Variants in LHFPL3 observed in about 807,000 individuals in gnomAD.
LHFPL3 encodes LHFPL tetraspan subfamily member 3.
In LHFPL3, 5 loss-of-function variants were observed where a neutral mutation model predicts 19.3. That is an observed-to-expected ratio of 0.26 (90% confidence interval 0.14 to 0.54). LHFPL3 has a LOEUF of 0.54. LHFPL3 is among the 20% of genes least tolerant of loss of function. The pLI, the probability that LHFPL3 is intolerant of heterozygous loss-of-function variation, is 0.94. For missense variants in LHFPL3, 249 were observed against 307.4 expected, an observed-to-expected ratio of 0.81 and a Z score of 1.42; for synonymous variants, 133 against 126.2, an observed-to-expected ratio of 1.05 and a Z score of -0.36.
At chr7:104,528,850 A>G (rs1423348848) in intron 1 of LHFPL3, among the ~76,000 whole-genome samples, 2 of 152,206 alleles carry the variant, frequency 1.3e-5, no homozygotes, top group African/African-American at 4.8e-5. Context: ...ATGTATGGCT[A>G]AAGACTCTTT....
At chr7:104,556,676 T>C (rs147377256) in intron 1 of LHFPL3, among the ~76,000 whole-genome samples, 1 of 152,390 alleles carries the variant, frequency 6.6e-6, no homozygotes, top group African/African-American at 2.4e-5. Flanking sequence ...GATTAACATT[T>C]GGTTCCTGAT....
chr7:104,829,164 T>C (rs1226649128), intron 2 of LHFPL3, among the ~76,000 whole-genome samples: 1 of 151,814 alleles, frequency 6.6e-6, no homozygotes, highest in African/African-American at 2.4e-5. Flanking sequence ...CACACCCCCA[T>C]TAAGAGCCTC....
chr7:104,846,320 T>A (rs1791312099), intron 2 of LHFPL3, among the ~76,000 whole-genome samples: 1 of 152,236 alleles, frequency 6.6e-6, no homozygotes, highest in Admixed American at 6.5e-5. Flanking sequence ...CTGCCTCTTG[T>A]TCTCAATTTC....
In LHFPL3 at chr7:104,431,104, T is replaced by G. The variant is rs112223329; in HGVS notation, c.445+101880T>G. ...TCCAATACTTCACCTACTTATTGTTTTTTCTCTCTCTTTTCCTTTACAATT... is the reference window on the plus strand; with the variant it reads ...TCCAATACTTCACCTACTTATTGTTGTTTCTCTCTCTTTTCCTTTACAATT... On this transcript the variant is annotated intron_variant, in intron 1 of 2. Transcript: ENST00000424859. Among the ~76,000 whole-genome samples, 968 of 152,330 alleles carry G rather than the reference T, an allele frequency of 6.4e-3. 9 individuals are homozygous for G. The highest frequency in any genetic ancestry group is 0.022 in the African/African-American group (932 of 41,574).
At position 104,707,968 on chromosome 7, in the gene LHFPL3, C is replaced by T. The variant is rs149596406; in HGVS notation, c.446-28707C>T. ...ATAAATGCTGAGAAAGAAAGAGGTA[C>T]ATCAGAGAGGCCAAAGACCTAGAAT... On this transcript the variant is annotated intron_variant, in intron 1 of 2. Transcript: ENST00000424859. Among the ~76,000 whole-genome samples, 568 of 152,282 alleles carry T rather than the reference C, an allele frequency of 3.7e-3. 4 individuals carry two copies. Among genetic ancestry groups the T allele is most frequent in the Middle Eastern group, 0.014 (4 of 294 alleles).
At chr7:104,561,935 C>T (rs1382258798) in intron 1 of LHFPL3, among the ~76,000 whole-genome samples, 1 of 151,972 alleles carries the variant, frequency 6.6e-6, no homozygotes, top group Non-Finnish European at 1.5e-5. Context: ...TTCTCCTTCA[C>T]TTAAGAAGCT....
At chr7:104,617,745 G>A (rs1791374349) in intron 1 of LHFPL3, among the ~76,000 whole-genome samples, 1 of 152,158 alleles carries the variant, frequency 6.6e-6, no homozygotes, top group Non-Finnish European at 1.5e-5. Context: ...TGAGACTTCA[G>A]ATTTTTGGTG....
At chr7:104,346,863 T>G (rs1013187214) in intron 1 of LHFPL3, among the ~76,000 whole-genome samples, 15 of 150,520 alleles carry the variant, frequency 1.0e-4, no homozygotes, top group African/African-American at 3.7e-4. Context: ...TTAGTTTTCT[T>G]CATAAGATTG....
chr7:104,440,183 TAAAA>T (rs1369077450), intron 1 of LHFPL3, among the ~76,000 whole-genome samples: 1 of 146,444 alleles, frequency 6.8e-6, no homozygotes, highest in Non-Finnish European at 1.5e-5. Context: ...ATAATAATAA[TAAAA>T]AAATACAAAG....
At chr7:104,764,239 G>T (rs1024036650) in intron 2 of LHFPL3, among the ~76,000 whole-genome samples, 2 of 152,154 alleles carry the variant, frequency 1.3e-5, no homozygotes, top group Admixed American at 6.5e-5. Flanking sequence ...TGTGATCTCG[G>T]TTCACTGCAA....
At chr7:104,832,704 C>T (rs943524568) in intron 2 of LHFPL3, among the ~76,000 whole-genome samples, 1 of 147,316 alleles carries the variant, frequency 6.8e-6, no homozygotes. Flanking sequence ...CGGATGGGCA[C>T]GGTGGCTCAC....
In LHFPL3 at chr7:104,417,821, G is replaced by T. The variant is rs76835451; in HGVS notation, c.445+88597G>T. ...CACGAATGTGCTCAATGTCAGTAAA[G>T]GTTAATTTTTACTGTTATTCGTATT... is the stretch of plus-strand genomic sequence containing the variant. On this transcript the variant is annotated intron_variant, in intron 1 of 2. Coordinates refer to ENST00000424859, the MANE Select transcript of LHFPL3 (RefSeq NM_199000.3). 7.6e-3 allele frequency among the ~76,000 whole-genome samples: 1,147 copies of T among 151,288 alleles called. 66 individuals are homozygous for T. The East Asian group carries it at 0.15, about 20-fold the overall frequency.
intron 1 of LHFPL3, among the ~76,000 whole-genome samples, chr7:104,390,839 G>A (rs546834725): frequency 6.6e-6 from 1 of 152,300 alleles, no homozygotes; most frequent in South Asian, 2.1e-4. Context: ...ATCCTCTCCA[G>A]CACTTGTTGT....
chr7:104,624,738 A>G lies in LHFPL3; in HGVS notation c.446-111937A>G, dbSNP rs143494338. Among the ~76,000 whole-genome samples the G allele has an allele frequency of 4.4e-4, 67 of 152,348 alleles. No individual in the cohort carries two copies. The East Asian group carries it at 0.012, about 28-fold the overall frequency. On this transcript the variant is annotated intron_variant, in intron 1 of 2. Transcript: ENST00000424859. The stretch of plus-strand genomic sequence containing the variant: ...CAGGACTATTTAGTGGTATCCTTTC[A>G]ATGCAAAAAAAATAAAATAGAGAAT...
At chr7:104,898,006 C>CTTTTTT (rs71155536) in intron 2 of LHFPL3, among the ~76,000 whole-genome samples, 5,164 of 96,580 alleles carry the variant, frequency 0.053, 714 homozygotes, top group East Asian at 0.38. Flanking sequence ...AATGTCACCC[C>CTTTTTT]TTTTTTTTTT....
intron 2 of LHFPL3, chr7:104,895,708 G>C (rs1792344969): frequency 6.6e-6 from 1 of 152,216 alleles, no homozygotes; most frequent in Non-Finnish European, 1.5e-5. Flanking sequence ...ACTGAAAAGA[G>C]AGAAGTCACA....
chr7:104,705,069 T>C (rs1793167743), intron 1 of LHFPL3, among the ~76,000 whole-genome samples: 1 of 152,244 alleles, frequency 6.6e-6, no homozygotes, highest in Admixed American at 6.5e-5. Flanking sequence ...TTTGTTGTTG[T>C]CATTGTCATT....
intron 1 of LHFPL3, among the ~76,000 whole-genome samples, chr7:104,653,974 T>C (rs944252780): frequency 1.3e-5 from 2 of 152,154 alleles, no homozygotes; most frequent in African/African-American, 4.8e-5. Context: ...TTAAGCTTAA[T>C]TGGGAGCAAC....
intron 1 of LHFPL3, among the ~76,000 whole-genome samples, chr7:104,664,105 C>A (rs1792280272): frequency 6.6e-6 from 1 of 152,074 alleles, no homozygotes; most frequent in Non-Finnish European, 1.5e-5. Flanking sequence ...GATAATATTG[C>A]AATGAATTTT....
Sources: allele counts gnomAD v4.1 joint callset (sites outside exome capture counted in the v4.1 genomes callset), GRCh38; gene constraint gnomAD v4.1.1; transcripts MANE v1.5; gene names NCBI Gene and HGNC (gene_info 2026-07-23, HGNC 2026-07-21).